The following TEAD1 variants were observed in gnomAD, a reference collection of about 807,000 sequenced individuals.
TEAD1 encodes the protein TEA domain transcription factor 1, also known as transcriptional enhancer factor TEF-1.
In TEAD1, 9 loss-of-function variants were observed where a neutral mutation model predicts 54.9. The observed-to-expected ratio is 0.16, with a 90% CI of 0.10 to 0.29. The LOEUF is 0.29. Ranked by LOEUF, TEAD1 falls within the 10% of genes least tolerant of loss-of-function variation. The pLI is 1.00. For synonymous variants in TEAD1, 200 were observed against 187.8 expected (o/e 1.07, Z -0.53); for missense variants, 387 against 535.9 (o/e 0.72, Z 2.74).
intron 2 of TEAD1, among the ~76,000 whole-genome samples, chr11:12,704,796 C>T (rs570909556): frequency 6.6e-6 from 1 of 152,322 alleles, no homozygotes; most frequent in East Asian, 1.9e-4. Context: ...CTAACATTTA[C>T]CAGGTGCTGT....
chr11:12,924,319 G>T (rs1399240729), intron 10 of TEAD1, among the ~76,000 whole-genome samples: 1 of 152,158 alleles, frequency 6.6e-6, no homozygotes, highest in African/African-American at 2.4e-5. Flanking sequence ...GTTATTTTAT[G>T]TATCTTCCAT....
intron 2 of TEAD1, among the ~76,000 whole-genome samples, chr11:12,710,879 A>C (rs1943922286): frequency 6.6e-6 from 1 of 152,090 alleles, no homozygotes; most frequent in Admixed American, 6.6e-5. Flanking sequence ...AGTGAGTGCT[A>C]GCGTCTCCTG....
At chr11:12,699,564 A>G (rs763071155) in intron 2 of TEAD1, among the ~76,000 whole-genome samples, 17 of 152,208 alleles carry the variant, frequency 1.1e-4, no homozygotes, top group Non-Finnish European at 2.1e-4. Flanking sequence ...GGGGTTATTC[A>G]TAGAGACTTT....
intron 2 of TEAD1, among the ~76,000 whole-genome samples, chr11:12,678,597 C>T (rs1383898555): frequency 6.6e-6 from 1 of 152,222 alleles, no homozygotes. Flanking sequence ...AGCTTTTTGA[C>T]AGACACCTTA....
chr11:12,730,757 C>G (rs1483164423), intron 2 of TEAD1, among the ~76,000 whole-genome samples: 1 of 135,932 alleles, frequency 7.4e-6, no homozygotes, highest in African/African-American at 2.8e-5. Flanking sequence ...CTGGAGTGCA[C>G]TAGTGCAATC....
At position 12,939,872 on chromosome 11, in the gene TEAD1, C is replaced by G. The variant is rs1273319349; in HGVS notation, c.*2650C>G. On this transcript the variant is annotated 3_prime_UTR_variant, in exon 13 of 13. Coordinates refer to ENST00000527636, the MANE Select transcript of TEAD1 (RefSeq NM_021961.6). ...AGATTAGACCTTTGGGTGAGATTGG[C>G]ATCACAACATCTAATCTGAGTCTGT... 6.6e-6 allele frequency: 1 copy of G among 152,250 alleles called. No homozygotes were observed. The highest frequency in any genetic ancestry group is 1.5e-5 in the Non-Finnish European group (1 of 68,066). 9.4% of individuals were successfully genotyped at this position (152,250 alleles called of 1,614,324 possible).
chr11:12,751,229 G>A (rs370442105), intron 2 of TEAD1, among the ~76,000 whole-genome samples: 86 of 151,634 alleles, frequency 5.7e-4, no homozygotes, highest in African/African-American at 2.0e-3. Context: ...TTGAGCCCTG[G>A]AGGCTGAGGC....
intron 2 of TEAD1, among the ~76,000 whole-genome samples, chr11:12,684,981 A>G (rs1590049928): frequency 6.6e-6 from 1 of 152,188 alleles, no homozygotes; most frequent in South Asian, 2.1e-4. Context: ...TGGTGATAGA[A>G]CCTTGTGTTT....
chr11:12,941,785 A>G lies in TEAD1; in HGVS notation c.*4563A>G. 6.5e-6 allele frequency: 1 copy of G among 152,746 alleles called. No homozygotes were observed. Among genetic ancestry groups the G allele is most frequent in the Non-Finnish European group, 1.5e-5 (1 of 68,034 alleles). 9.5% of individuals were successfully genotyped at this position (152,746 alleles called of 1,614,324 possible). A position where few individuals can be genotyped will look rare whatever the true frequency, so the allele number is the denominator to read the frequency against. ...TGCAAAAGGCTGCCTCAGAACTGTG[A>G]GCCCTTTTGTAAGCTGGAAGCATTT... On this transcript the variant is annotated 3_prime_UTR_variant, in exon 13 of 13. Coordinates refer to ENST00000527636, the MANE Select transcript of TEAD1 (RefSeq NM_021961.6).
chr11:12,733,448 A>G (rs989815436), intron 2 of TEAD1, among the ~76,000 whole-genome samples: 1 of 152,154 alleles, frequency 6.6e-6, no homozygotes, highest in Admixed American at 6.5e-5. Flanking sequence ...GAAGGGAAGG[A>G]GGTTTCTTTG....
intron 2 of TEAD1, among the ~76,000 whole-genome samples, chr11:12,721,399 G>A (rs190847317): frequency 6.6e-6 from 1 of 152,180 alleles, no homozygotes; most frequent in African/African-American, 2.4e-5. Context: ...TCCAGTCCCT[G>A]TTCTAGCAGC....
At chr11:12,834,609 A>G (rs1048467028) in intron 3 of TEAD1, among the ~76,000 whole-genome samples, 1 of 151,980 alleles carries the variant, frequency 6.6e-6, no homozygotes, top group Non-Finnish European at 1.5e-5. Flanking sequence ...AATTAAAGAT[A>G]TTTTTTGTTT....
chr11:12,763,983 C>A (rs1165889236), intron 2 of TEAD1, among the ~76,000 whole-genome samples, 196 bp from the exon 3 acceptor site: 3 of 152,196 alleles, frequency 2.0e-5, no homozygotes, highest in Non-Finnish European at 1.5e-5. Context: ...GTTATCCAAG[C>A]AAAGCTGGTG....
intron 2 of TEAD1, among the ~76,000 whole-genome samples, chr11:12,728,535 C>T (rs565612327): frequency 6.6e-6 from 1 of 152,282 alleles, no homozygotes. Flanking sequence ...TAGCTGTGAC[C>T]TGGCATAGAG....
rs1349526125 is a variant in TEAD1, at chr11:12,942,897, C to G, written c.*5675C>G. 6.6e-6 allele frequency: 1 copy of G among 152,146 alleles called. No homozygotes were observed. The highest frequency in any genetic ancestry group is 1.5e-5 in the Non-Finnish European group (1 of 68,030). 9.4% of individuals were successfully genotyped at this position (152,146 alleles called of 1,614,324 possible). On this transcript the variant is annotated 3_prime_UTR_variant, in exon 13 of 13. Coordinates refer to ENST00000527636, the MANE Select transcript of TEAD1 (RefSeq NM_021961.6). ...GGCAACTCTTTAAAGTCCTTGTTGG[C>G]TTTTATCCAAACCTTGTAGAAATTG...
At chr11:12,739,071 G>T (rs1944594035) in intron 2 of TEAD1, among the ~76,000 whole-genome samples, 1 of 152,208 alleles carries the variant, frequency 6.6e-6, no homozygotes. Context: ...AAGATACAAG[G>T]GGTGACTCTG....
chr11:12,809,861 G>A (rs1254158136), intron 3 of TEAD1, among the ~76,000 whole-genome samples: 2 of 152,210 alleles, frequency 1.3e-5, no homozygotes, highest in Non-Finnish European at 2.9e-5. Flanking sequence ...TGGCAAGTCT[G>A]CCACATGGTT....
At chr11:12,808,321 C>G (rs1946221648) in intron 3 of TEAD1, among the ~76,000 whole-genome samples, 1 of 152,074 alleles carries the variant, frequency 6.6e-6, no homozygotes, top group Admixed American at 6.5e-5. Context: ...GACTTTCCAC[C>G]AGGCGCCATT....
intron 2 of TEAD1, among the ~76,000 whole-genome samples, chr11:12,677,127 C>T (rs1158316223): frequency 1.3e-5 from 2 of 152,012 alleles, no homozygotes; most frequent in Non-Finnish European, 2.9e-5. Context: ...GGGAACATGC[C>T]TGAGAGAGAT....
Sources: allele counts gnomAD v4.1 joint callset (sites outside exome capture counted in the v4.1 genomes callset), GRCh38; gene constraint gnomAD v4.1.1; transcripts MANE v1.5; gene names NCBI Gene and HGNC (gene_info 2026-07-23, HGNC 2026-07-21).